The following HTR2C variants were observed in gnomAD, a reference collection of about 807,000 sequenced individuals.
HTR2C encodes 5-hydroxytryptamine (serotonin) receptor 2C, G protein-coupled.
Under a neutral mutation model 21.0 loss-of-function variants are expected in HTR2C, and 5 were observed. That is an observed-to-expected ratio of 0.24 (90% confidence interval 0.12 to 0.50). The LOEUF (loss-of-function observed/expected upper bound fraction) is 0.50. HTR2C is among the 20% of genes least tolerant of loss of function. The pLI, the probability that HTR2C is intolerant of heterozygous loss-of-function variation, is 0.98. For synonymous variants in HTR2C, 150 were observed against 145.3 expected, an observed-to-expected ratio of 1.03 and a Z score of -0.23; for missense variants, 271 against 371.2, an observed-to-expected ratio of 0.73 and a Z score of 2.22.
intron 2 of HTR2C, among the ~76,000 whole-genome samples, chrX:114,707,555 A>T (rs1235705925): frequency 8.9e-6 from 1 of 111,761 alleles, no homozygotes; most frequent in East Asian, 2.8e-4. Context: ...CTGATTTGCC[A>T]AAAGCTGCAG....
intron 4 of HTR2C, among the ~76,000 whole-genome samples, chrX:114,805,612 CAT>C (rs1199171964): frequency 2.9e-4 from 2 of 6,833 alleles, no homozygotes; most frequent in Non-Finnish European, 4.9e-4. Flanking sequence ...TATATATACA[CAT>C]CATATATATA....
intron 4 of HTR2C, chrX:114,775,817 C>A: frequency 5.1e-6 from 2 of 394,980 alleles, no homozygotes; most frequent in South Asian, 7.0e-5. Flanking sequence ...TTTGACATCT[C>A]GAATGGCTTT....
chrX:114,734,409 G>A (rs936220636), intron 4 of HTR2C, among the ~76,000 whole-genome samples: 3 of 108,746 alleles, frequency 2.8e-5, no homozygotes, highest in Admixed American at 2.0e-4. Flanking sequence ...ATATTGATAG[G>A]TTCAACCCAG....
At chrX:114,875,107 G>T (rs1433625713) in intron 5 of HTR2C, among the ~76,000 whole-genome samples, 1 of 111,048 alleles carries the variant, frequency 9.0e-6, no homozygotes, top group Non-Finnish European at 1.9e-5. Flanking sequence ...CTCATAGTCT[G>T]CACCCTCTTG....
chrX:114,860,017 G>T (rs1016522894), intron 5 of HTR2C, among the ~76,000 whole-genome samples: 8 of 111,456 alleles, frequency 7.2e-5, no homozygotes, highest in Non-Finnish European at 1.3e-4. Context: ...AGTGGCCAGG[G>T]TATATACACT....
At chrX:114,798,061 T>C (rs1381212921) in intron 4 of HTR2C, among the ~76,000 whole-genome samples, 2 of 38,137 alleles carry the variant, frequency 5.2e-5, no homozygotes, top group African/African-American at 1.2e-4. Context: ...AGTATTAACA[T>C]TGCCCTGTTA....
chrX:114,728,724 T>C (rs1004139913), intron 3 of HTR2C, among the ~76,000 whole-genome samples: 44 of 111,569 alleles, frequency 3.9e-4, no homozygotes, highest in Admixed American at 1.1e-3. Context: ...ATAGGCTAGA[T>C]AACTACTTGA....
At chrX:114,887,346 T>A (rs2071227467) in intron 5 of HTR2C, among the ~76,000 whole-genome samples, 1 of 111,903 alleles carries the variant, frequency 8.9e-6, no homozygotes, top group South Asian at 3.7e-4. Context: ...TTCATTAATA[T>A]TAATGAATCC....
At chrX:114,589,878 C>A in intron 1 of HTR2C, 1 of 326,440 alleles carries the variant, frequency 3.1e-6, no homozygotes, top group Admixed American at 3.1e-5. Flanking sequence ...TTAAAAGATG[C>A]AAGCATTTTG....
intron 1 of HTR2C, among the ~76,000 whole-genome samples, chrX:114,595,587 G>T (rs782339057): frequency 9.0e-6 from 1 of 110,669 alleles, no homozygotes; most frequent in Non-Finnish European, 1.9e-5. Context: ...TAGTTCCAGA[G>T]AACTTCAGAT....
At chrX:114,846,619 G>T (rs2070875611) in intron 4 of HTR2C, among the ~76,000 whole-genome samples, 1 of 111,387 alleles carries the variant, frequency 9.0e-6, no homozygotes, top group African/African-American at 3.3e-5. Flanking sequence ...ACTTTTTTAT[G>T]ATAAAAAAAT....
rs368302196 is a variant in HTR2C, at chrX:114,662,911, T to A, written c.-80+49030T>A. Among the ~76,000 whole-genome samples the A allele has an allele frequency of 7.1e-5, 8 of 112,046 alleles. No individual in the cohort carries two copies. In the East Asian group the frequency reaches 2.2e-3, roughly 31 times the overall value. On this transcript the variant is annotated intron_variant, in intron 2 of 5. Transcript: ENST00000276198. ...TAACAGAAAATCATGATGTCTAATG[T>A]AAATGTCCCAAGTTTTAGAAGAGTG...
intron 1 of HTR2C, among the ~76,000 whole-genome samples, chrX:114,600,938 T>C (rs1556394157): frequency 1.8e-5 from 2 of 111,870 alleles, no homozygotes; most frequent in African/African-American, 6.5e-5. Flanking sequence ...ATTGTTTTCT[T>C]TAATTTTTAC....
intron 4 of HTR2C, among the ~76,000 whole-genome samples, chrX:114,809,454 G>A (rs1208546283): frequency 1.9e-5 from 2 of 106,994 alleles, no homozygotes; most frequent in Admixed American, 1.0e-4. Context: ...CGCGATCTCG[G>A]GTCACTGCAA....
chrX:114,601,091 A>G lies in HTR2C; in HGVS notation c.-146-12724A>G, dbSNP rs181765271. On this transcript the variant is annotated intron_variant, in intron 1 of 5. Coordinates refer to ENST00000276198, the MANE Select transcript of HTR2C (RefSeq NM_000868.4). ...TACTATTCAGAGCAAAACCTATAGA[A>G]TATCCAGAAACTGTCACTAGTTTTT... Among the ~76,000 whole-genome samples, 91 of 112,302 alleles carry G rather than the reference A, an allele frequency of 8.1e-4. No homozygotes were observed. The East Asian group carries it at 0.011, about 13-fold the overall frequency.
intron 4 of HTR2C, among the ~76,000 whole-genome samples, chrX:114,793,344 C>G (rs782452285): frequency 1.2e-3 from 129 of 111,510 alleles, no homozygotes; most frequent in Middle Eastern, 9.3e-3. Flanking sequence ...AAGAGTGAGG[C>G]TCCTTGGAGG....
At chrX:114,672,972 TC>T (rs1470718545) in intron 2 of HTR2C, among the ~76,000 whole-genome samples, 1 of 111,977 alleles carries the variant, frequency 8.9e-6, no homozygotes. Flanking sequence ...ACCCTCAAGA[TC>T]AACAGGATTT....
Position 114,870,870 on chromosome X carries a change from C to T in HTR2C, c.550+22667C>T, listed in dbSNP as rs73573329. On this transcript the variant is annotated intron_variant, in intron 5 of 5. Transcript: ENST00000276198. ...TTGTCTAACATTTCAAAAAAACTAC[C>T]TTTTGTTTCATTGATCTTACTATTT... Among the ~76,000 whole-genome samples, 957 of 111,443 alleles carry T rather than the reference C, an allele frequency of 8.6e-3. 11 individuals carry two copies. The highest frequency in any genetic ancestry group is 0.029 in the African/African-American group (898 of 30,739).
At chrX:114,631,148 C>CA (rs781831905) in intron 2 of HTR2C, among the ~76,000 whole-genome samples, 10 of 110,433 alleles carry the variant, frequency 9.1e-5, no homozygotes, top group African/African-American at 2.6e-4. Flanking sequence ...ACTAAAAATA[C>CA]AAAAAAAATC....
Sources: allele counts gnomAD v4.1 joint callset (sites outside exome capture counted in the v4.1 genomes callset), GRCh38; gene constraint gnomAD v4.1.1; transcripts MANE v1.5; gene names NCBI Gene and HGNC (gene_info 2026-07-23, HGNC 2026-07-21).